The following ITCH variants were observed in gnomAD, a reference collection of about 807,000 sequenced individuals.
The protein encoded by ITCH is itchy E3 ubiquitin protein ligase, also known as E3 ubiquitin-protein ligase Itchy homolog.
ITCH carries 28 observed loss-of-function variants against 126.8 expected under a neutral mutation model. The observed-to-expected ratio is 0.22, with a 90% CI of 0.16 to 0.30. ITCH has a LOEUF of 0.30. Ranked by LOEUF, ITCH falls within the 10% of genes least tolerant of loss-of-function variation. ITCH has a pLI of 1.00. For missense variants in ITCH, 631 were observed against 1,032.4 expected, an observed-to-expected ratio of 0.61 and a Z score of 5.33; for synonymous variants, 342 against 340.0, an observed-to-expected ratio of 1.01 and a Z score of -0.06.
At chr20:34,425,993 T>C (rs1375866246) in intron 7 of ITCH, among the ~76,000 whole-genome samples, 1 of 152,238 alleles carries the variant, frequency 6.6e-6, no homozygotes, top group Non-Finnish European at 1.5e-5. Flanking sequence ...GCCCCCTTCA[T>C]CTAAAAGGTG....
Position 34,489,836 on chromosome 20 carries a change from A to T in ITCH, c.2229A>T (p.Gly743=), listed in dbSNP as rs772301679. The change falls in exon 22 of 25, where the codon GGA becomes GGT. Residue 743 remains glycine (G), a synonymous_variant. Transcript: ENST00000374864. ...DAKELEVLLC[G]MQEIDLNDWQ... ...CATCCCTAAAGGTCCTTTTATGTGGAATGCAAGAGATTGATTTGAATGACT... is the reference window on the plus strand; with the variant it reads ...CATCCCTAAAGGTCCTTTTATGTGGTATGCAAGAGATTGATTTGAATGACT... The T allele has an allele frequency of 6.2e-7, 1 of 1,613,054 alleles. No individual in the cohort carries two copies. The highest frequency in any genetic ancestry group is 1.1e-5 in the South Asian group (1 of 91,072).
chr20:34,467,303 C>A (rs1987160255), intron 14 of ITCH, among the ~76,000 whole-genome samples: 1 of 152,050 alleles, frequency 6.6e-6, no homozygotes, highest in Admixed American at 6.6e-5. Flanking sequence ...CCAAGGTGGG[C>A]AGATCACTTG....
At chr20:34,489,522 A>C (rs1460190441) in intron 21 of ITCH, 136 bp downstream of exon 21, 1 of 841,206 alleles carries the variant, frequency 1.2e-6, no homozygotes, top group Non-Finnish European at 2.0e-6. Context: ...AAACATCCCC[A>C]ATGGTTAAAG....
chr20:34,471,606 C>T, intron 16 of ITCH, 91 bp downstream of exon 16: 1 of 821,022 alleles, frequency 1.2e-6, no homozygotes, highest in East Asian at 2.6e-5. Context: ...TGGTTTGGAA[C>T]TTCTTGAGTT....
chr20:34,473,910 G>A (rs183118908), intron 16 of ITCH, among the ~76,000 whole-genome samples: 53 of 152,320 alleles, frequency 3.5e-4, no homozygotes, highest in Admixed American at 1.6e-3. Flanking sequence ...ACAGGTTCTA[G>A]TACAGATTTT....
At chr20:34,427,369 T>A (rs1022629169) in intron 7 of ITCH, among the ~76,000 whole-genome samples, 1 of 152,180 alleles carries the variant, frequency 6.6e-6, no homozygotes, top group Non-Finnish European at 1.5e-5. Flanking sequence ...GAGGATCACT[T>A]GAGCCTAGGA....
intron 20 of ITCH, among the ~76,000 whole-genome samples, chr20:34,483,326 A>G (rs940311110): frequency 7.2e-5 from 11 of 152,086 alleles, no homozygotes; most frequent in African/African-American, 2.7e-4. Context: ...TGGGCTGCAA[A>G]TTTTCCAAAC....
At chr20:34,416,906 C>T (rs1312576641) in intron 6 of ITCH, among the ~76,000 whole-genome samples, 2 of 133,720 alleles carry the variant, frequency 1.5e-5, no homozygotes, top group Admixed American at 8.7e-5. Context: ...TAGACCTCTT[C>T]CTAGCTTTTT....
Position 34,489,919 on chromosome 20 carries a change from T to C in ITCH, c.2312T>C (p.Phe771Ser). The change falls in exon 22 of 25, where the codon TTT (phenylalanine) becomes TCT (serine). Residue 771 changes from phenylalanine to serine, a missense_variant. Transcript: ENST00000374864. ...AGGACCAGCAAACAAATCATGTGGT[T>C]TTGGCAGGTTTGTTTTTAAATTTAT... ...YARTSKQIMWFWQFVKEIDNE... is the reference protein window; with the variant it reads ...YARTSKQIMWSWQFVKEIDNE... 1 of 1,612,616 alleles carries C rather than the reference T, an allele frequency of 6.2e-7. No homozygotes were observed. The highest frequency in any genetic ancestry group is 8.5e-7 in the Non-Finnish European group (1 of 1,178,802).
At chr20:34,504,915 T>G (rs1990522780) in intron 24 of ITCH, among the ~76,000 whole-genome samples, 1 of 152,234 alleles carries the variant, frequency 6.6e-6, no homozygotes, top group South Asian at 2.1e-4. Flanking sequence ...CCTTTTTGTT[T>G]TTATACATAA....
intron 11 of ITCH, among the ~76,000 whole-genome samples, chr20:34,448,591 G>T (rs919254787): frequency 5.4e-5 from 8 of 148,088 alleles, no homozygotes; most frequent in African/African-American, 2.0e-4. Flanking sequence ...TGTTTTACTT[G>T]TTTTTTTTTT....
intron 14 of ITCH, among the ~76,000 whole-genome samples, chr20:34,463,932 G>A (rs951322396): frequency 6.6e-6 from 1 of 151,654 alleles, no homozygotes; most frequent in African/African-American, 2.4e-5. Context: ...GCCCTTTGAT[G>A]TATAAAACAT....
chr20:34,422,649 C>T (rs1293820378), intron 6 of ITCH, among the ~76,000 whole-genome samples: 1 of 152,024 alleles, frequency 6.6e-6, no homozygotes, highest in Non-Finnish European at 1.5e-5. Context: ...AAGTGTACAG[C>T]TTAATGAATT....
At chr20:34,495,532 T>TGTA (rs1463662098) in intron 23 of ITCH, among the ~76,000 whole-genome samples, 2 of 151,926 alleles carry the variant, frequency 1.3e-5, no homozygotes, top group Non-Finnish European at 2.9e-5. Context: ...AGTGACAGCA[T>TGTA]GTAGTATTTA....
intron 3 of ITCH, among the ~76,000 whole-genome samples, chr20:34,400,198 A>G (rs1231271663): frequency 6.6e-6 from 1 of 152,004 alleles, no homozygotes; most frequent in Non-Finnish European, 1.5e-5. Context: ...CAGCCTCCCA[A>G]AGTGCTGGAA....
intron 2 of ITCH, among the ~76,000 whole-genome samples, chr20:34,374,758 A>T (rs1190840816): frequency 8.9e-5 from 13 of 146,526 alleles, no homozygotes; most frequent in Non-Finnish European, 1.5e-4. Flanking sequence ...TTTGAGACAG[A>T]GTTTCACTTT....
chr20:34,462,013 A>G (rs2146374711), intron 13 of ITCH, 80 bp from the exon 14 acceptor site: 2 of 1,380,536 alleles, frequency 1.4e-6, no homozygotes, highest in Non-Finnish European at 2.1e-6. Flanking sequence ...TGCTATGTTT[A>G]TTGACATTTG....
chr20:34,394,729 C>T (rs1245579744), intron 3 of ITCH, among the ~76,000 whole-genome samples: 1 of 152,120 alleles, frequency 6.6e-6, no homozygotes, highest in African/African-American at 2.4e-5. Flanking sequence ...ATTACCCCAT[C>T]ATGCAATGGG....
intron 2 of ITCH, among the ~76,000 whole-genome samples, chr20:34,378,491 A>AAG (rs2037931676): frequency 6.6e-6 from 1 of 150,590 alleles, no homozygotes; most frequent in Non-Finnish European, 1.5e-5. Context: ...AAAAAAAAAA[A>AAG]AAAGATGTAA....
Sources: allele counts gnomAD v4.1 joint callset (sites outside exome capture counted in the v4.1 genomes callset), GRCh38; gene constraint gnomAD v4.1.1; transcripts MANE v1.5; gene names NCBI Gene and HGNC (gene_info 2026-07-23, HGNC 2026-07-21).